Variants in STK32B observed in about 807,000 individuals in gnomAD.
STK32B encodes serine/threonine-protein kinase 32B.
STK32B carries 43 observed loss-of-function variants against 52.6 expected under a neutral mutation model. The ratio of observed to expected loss-of-function variants is 0.82; its 90% CI spans 0.64 to 1.05. STK32B has a LOEUF of 1.05. STK32B is among the 50% of genes least tolerant of loss of function. The pLI, the probability that STK32B is intolerant of heterozygous loss-of-function variation, is 0.00. For synonymous variants in STK32B, 238 were observed against 204.3 expected, an observed-to-expected ratio of 1.17 and a Z score of -1.41; for missense variants, 621 against 534.6, an observed-to-expected ratio of 1.16 and a Z score of -1.59.
intron 6 of STK32B, among the ~76,000 whole-genome samples, chr4:5,426,249 C>G (rs1376202731): frequency 6.6e-6 from 1 of 152,116 alleles, no homozygotes; most frequent in African/African-American, 2.4e-5. Context: ...TACTTGGTAT[C>G]GTCCCATCGT....
chr4:5,357,096 C>CACACACACATGTATATAT (rs1734239575), intron 4 of STK32B, among the ~76,000 whole-genome samples: 2 of 149,184 alleles, frequency 1.3e-5, no homozygotes, highest in African/African-American at 5.1e-5. Flanking sequence ...TATACACACA[C>CACACACACATGTATATAT]ACACACACAC....
intron 4 of STK32B, among the ~76,000 whole-genome samples, chr4:5,372,380 C>A (rs989796584): frequency 6.6e-6 from 1 of 152,082 alleles, no homozygotes; most frequent in Non-Finnish European, 1.5e-5. Flanking sequence ...GTTAATTTAC[C>A]GAAAATGCCA....
chr4:5,153,248 T>A (rs1429765547), intron 2 of STK32B, among the ~76,000 whole-genome samples: 5 of 152,196 alleles, frequency 3.3e-5, no homozygotes. Context: ...GGGTACAGGC[T>A]TCCAGATTGG....
At chr4:5,075,641 T>G (rs1712030793) in intron 1 of STK32B, among the ~76,000 whole-genome samples, 1 of 152,140 alleles carries the variant, frequency 6.6e-6, no homozygotes. Context: ...ATTCTTTTAT[T>G]AAAATACATG....
intron 8 of STK32B, among the ~76,000 whole-genome samples, chr4:5,457,221 T>TC (rs1439917541): frequency 2.0e-5 from 3 of 148,528 alleles, no homozygotes; most frequent in Non-Finnish European, 3.0e-5. Flanking sequence ...TCTTTTTTTT[T>TC]TTTTTTTTTT....
intron 3 of STK32B, among the ~76,000 whole-genome samples, chr4:5,317,214 C>CATATATATATTATATATATAACAT (rs1560313273): frequency 2.5e-5 from 1 of 40,652 alleles, no homozygotes; most frequent in Non-Finnish European, 3.5e-5. Flanking sequence ...ATATATATAA[C>CATATATATATTATATATATAACAT]ATATATATAT....
intron 3 of STK32B, among the ~76,000 whole-genome samples, chr4:5,288,355 C>T (rs947259019): frequency 3.9e-5 from 6 of 152,236 alleles, no homozygotes; most frequent in Non-Finnish European, 8.8e-5. Flanking sequence ...ATTTTGCAGT[C>T]CCATCAGCGA....
the STK32B span, among the ~76,000 whole-genome samples, chr4:5,034,864 A>G: frequency 6.6e-6 from 1 of 152,194 alleles, no homozygotes; most frequent in Non-Finnish European, 1.5e-5. Flanking sequence ...GTCCTGGGGT[A>G]ATGTCAGTAG....
intron 9 of STK32B, among the ~76,000 whole-genome samples, chr4:5,461,800 G>C (rs754382981): frequency 1.6e-4 from 25 of 152,170 alleles, no homozygotes; most frequent in Non-Finnish European, 3.2e-4. Flanking sequence ...CCCACTGCCT[G>C]GACCTCCTTC....
At chr4:5,215,743 A>C (rs1723145366) in intron 3 of STK32B, among the ~76,000 whole-genome samples, 1 of 152,180 alleles carries the variant, frequency 6.6e-6, no homozygotes, top group Admixed American at 6.5e-5. Context: ...CCCTCAGAGC[A>C]GGCAAAATTG....
intron 8 of STK32B, among the ~76,000 whole-genome samples, chr4:5,459,766 T>C (rs914961726): frequency 3.3e-5 from 5 of 152,188 alleles, no homozygotes; most frequent in Non-Finnish European, 7.3e-5. Context: ...GCTAATTCTT[T>C]CTATTTGTAA....
chr4:5,089,577 A>G (rs1227245491), intron 1 of STK32B, among the ~76,000 whole-genome samples: 1 of 152,040 alleles, frequency 6.6e-6, no homozygotes, highest in African/African-American at 2.4e-5. Flanking sequence ...TTCTTTATCC[A>G]GTCTATCATT....
At chr4:5,181,391 A>G (rs1443124265) in intron 3 of STK32B, among the ~76,000 whole-genome samples, 1 of 150,634 alleles carries the variant, frequency 6.6e-6, no homozygotes, top group Non-Finnish European at 1.5e-5. Flanking sequence ...AGGATGCAGC[A>G]AGAAAGTTGC....
chr4:5,327,474 A>T (rs937576310), intron 3 of STK32B, among the ~76,000 whole-genome samples: 1 of 151,878 alleles, frequency 6.6e-6, no homozygotes, highest in African/African-American at 2.4e-5. Context: ...TGCAGGATGG[A>T]TGTTGTTTTA....
At chr4:5,127,062 A>C (rs1424468369) in intron 1 of STK32B, 4 of 500,178 alleles carry the variant, frequency 8.0e-6, no homozygotes, top group Non-Finnish European at 1.6e-5. Flanking sequence ...TGCCATGGAC[A>C]TTGGTGCTGC....
At chr4:5,466,255 G>T (rs1717425453) in intron 9 of STK32B, among the ~76,000 whole-genome samples, 1 of 152,174 alleles carries the variant, frequency 6.6e-6, no homozygotes, top group Non-Finnish European at 1.5e-5. Context: ...GGGGCGGGAG[G>T]CGGGGGTACG....
chr4:5,092,788 C>T (rs1266269339), intron 1 of STK32B, among the ~76,000 whole-genome samples: 3 of 152,058 alleles, frequency 2.0e-5, no homozygotes, highest in East Asian at 1.9e-4. Context: ...TCATGAGAAA[C>T]GGCCCTCATG....
intron 3 of STK32B, among the ~76,000 whole-genome samples, chr4:5,288,150 T>G (rs983052060): frequency 2.0e-5 from 3 of 152,240 alleles, no homozygotes; most frequent in African/African-American, 7.2e-5. Context: ...TTGTTTATAC[T>G]TGATGGAGTG....
chr4:5,274,081 C>A (rs1270501803), intron 3 of STK32B, among the ~76,000 whole-genome samples: 1 of 151,976 alleles, frequency 6.6e-6, no homozygotes, highest in African/African-American at 2.4e-5. Flanking sequence ...CCATATATTC[C>A]ACACAATCTC....
Sources: gnomAD v4.1 joint callset for allele counts (sites outside exome capture counted in the v4.1 genomes callset) on GRCh38, gnomAD v4.1.1 for gene constraint, MANE v1.5 for transcripts, NCBI Gene and HGNC (gene_info 2026-07-23, HGNC 2026-07-21) for gene names.